Variants in METTL5 observed in about 807,000 individuals in gnomAD.
METTL5 encodes methyltransferase 5, N6-adenosine.
A neutral mutation model predicts 26.5 loss-of-function variants in METTL5; 28 were observed. The observed-to-expected ratio is 1.06, with a 90% CI of 0.78 to 1.45. The LOEUF is 1.45. METTL5 is among the 40% of genes most tolerant of loss of function. The probability of loss-of-function intolerance (pLI) is 0.00; values close to 1 mark genes in which losing one functional copy is unlikely to be tolerated. For missense variants in METTL5, 231 were observed against 249.9 expected (o/e 0.92, Z 0.51); for synonymous variants, 86 against 82.6 (o/e 1.04, Z -0.22).
rs2081626210 is a variant in METTL5 at position 169,824,482 on chromosome 2, G to GC, written c.109+6dup. ...AAAGCCGGGGCGTGGTGAACCAGCCGCCCTACCTGCAATGTGCGGCCTGGT... is the reference window on the plus strand; with the variant it reads ...AAAGCCGGGGCGTGGTGAACCAGCCGCCCCTACCTGCAATGTGCGGCCTGGT... On this transcript the variant is annotated splice_region_variant and intron_variant, in intron 1 of 6. Transcript: ENST00000260953. The GC allele has an allele frequency of 6.2e-7, 1 of 1,608,788 alleles. No homozygotes were observed. Among genetic ancestry groups the GC allele is most frequent in the Non-Finnish European group, 8.5e-7 (1 of 1,175,276 alleles).
chr2:169,822,125 T>G (rs2081594226), intron 1 of METTL5, 68 bp from the exon 2 acceptor site: 7 of 1,535,804 alleles, frequency 4.6e-6, no homozygotes, highest in Non-Finnish European at 6.1e-6. Context: ...TGCAAATGAC[T>G]CTTTCTAAAA....
intron 5 of METTL5, among the ~76,000 whole-genome samples, chr2:169,813,900 G>A (rs188562731): frequency 6.6e-6 from 1 of 151,910 alleles, no homozygotes; most frequent in East Asian, 1.9e-4. Flanking sequence ...GAAAATAACA[G>A]GAAGACGAAC....
At chr2:169,813,503 C>G (rs1690048278) in intron 5 of METTL5, among the ~76,000 whole-genome samples, 1 of 151,878 alleles carries the variant, frequency 6.6e-6, no homozygotes. Context: ...TTTGGAGGAA[C>G]AAGCCTCTGG....
chr2:169,812,585 A>T, intron 5 of METTL5, 79 bp from the exon 6 acceptor site: 1 of 1,466,724 alleles, frequency 6.8e-7, no homozygotes, highest in Non-Finnish European at 9.3e-7. Context: ...AACAACAACA[A>T]AAACTAAGAA....
chr2:169,812,536 A>T lies in METTL5; in HGVS notation c.542-30T>A, dbSNP rs748638178. ...AAAACAAAAGCCACCTAAGGATAAAATTGTATTTCCAAGCGTTTACCACCC... is the reference window on the plus strand; with the variant it reads ...AAAACAAAAGCCACCTAAGGATAAATTTGTATTTCCAAGCGTTTACCACCC... On this transcript the variant is annotated intron_variant, in intron 5 of 6. Coordinates refer to ENST00000260953, the MANE Select transcript of METTL5 (RefSeq NM_014168.4). The T allele has an allele frequency of 1.9e-6, 3 of 1,609,470 alleles. No homozygotes were observed. The Admixed American group carries it at 5.1e-5, about 27-fold the overall frequency.
In METTL5 at chr2:169,822,036, T is replaced by C. The variant is rs772635468; in HGVS notation, c.131A>G (p.His44Arg). 38 of 1,611,822 alleles carry C rather than the reference T, an allele frequency of 2.4e-5. No individual in the cohort carries two copies. In the Admixed American group the frequency reaches 5.5e-4, roughly 23 times the overall value. The change falls in exon 2 of 7, where the codon CAT becomes CGT. Residue 44 changes from histidine to arginine, a missense_variant. Physicochemically the swap from His to Arg is conservative, Grantham distance 29. Coordinates refer to ENST00000260953, the MANE Select transcript of METTL5 (RefSeq NM_014168.4). ...ATTTTCAATGTCATCATAAGTGTTA[T>C]GGATTGTATAGAGCATACATGCTAA... ...HIAACMLYTI[H>R]NTYDDIENKV...
intron 3 of METTL5, 45 bp downstream of exon 3, chr2:169,821,047 A>C: frequency 6.7e-7 from 1 of 1,484,428 alleles, no homozygotes; most frequent in Non-Finnish European, 9.0e-7. Flanking sequence ...TGGTTTTAAA[A>C]TCTTTTCTAT....
At chr2:169,822,124 C>T in intron 1 of METTL5, 67 bp from the exon 2 acceptor site, 5 of 1,536,472 alleles carry the variant, frequency 3.3e-6, no homozygotes, top group Non-Finnish European at 4.4e-6. Flanking sequence ...GTGCAAATGA[C>T]TCTTTCTAAA....
intron 5 of METTL5, among the ~76,000 whole-genome samples, chr2:169,814,254 G>A (rs539369905): frequency 5.9e-5 from 9 of 151,824 alleles, no homozygotes; most frequent in Admixed American, 2.0e-4. Context: ...TTGGGAGGCC[G>A]AGGCTGGAGG....
Position 169,822,056 on chromosome 2 carries a change from T to C in METTL5, c.111A>G (p.Ala37=), listed in dbSNP as rs1410294715. Residue 37 remains alanine, a splice_region_variant and synonymous_variant, in exon 2 of 7, where the codon GCA becomes GCG. Coordinates refer to ENST00000260953, the MANE Select transcript of METTL5 (RefSeq NM_014168.4). ...TGTTATGGATTGTATAGAGCATACA[T>C]GCTAAAAAATAAAAAAAAAAAGAAT... ...EQYPTRPHIA[A]CMLYTIHNTY... The C allele has an allele frequency of 1.9e-6, 3 of 1,585,360 alleles. No homozygotes were observed. Among genetic ancestry groups the C allele is most frequent in the Non-Finnish European group, 2.6e-6 (3 of 1,173,436 alleles).
Position 169,822,789 on chromosome 2 carries a change from G to A in METTL5, c.110-732C>T, listed in dbSNP as rs116636915. On this transcript the variant is annotated intron_variant, in intron 1 of 6. Coordinates refer to ENST00000260953, the MANE Select transcript of METTL5 (RefSeq NM_014168.4). Reference sequence around the variant, plus strand: ...ACACAAGCACCATAAGCTCCACAATGTAGCCTTTAGACACATATACTCATG... The same window carrying A: ...ACACAAGCACCATAAGCTCCACAATATAGCCTTTAGACACATATACTCATG... 5.9e-3 allele frequency among the ~76,000 whole-genome samples: 901 copies of A among 152,054 alleles called. 4 individuals are homozygous for A. Among genetic ancestry groups the A allele is most frequent in the African/African-American group, 0.021 (855 of 41,464 alleles).
At chr2:169,821,828 T>A (rs2081588897) in intron 2 of METTL5, 115 bp downstream of exon 2, 2 of 836,128 alleles carry the variant, frequency 2.4e-6, no homozygotes, top group Non-Finnish European at 3.7e-6. Context: ...CAGTATCAGA[T>A]TTTTGCTCCC....
intron 3 of METTL5, among the ~76,000 whole-genome samples, chr2:169,820,514 T>G (rs983028469): frequency 2.0e-5 from 3 of 152,262 alleles, no homozygotes; most frequent in Non-Finnish European, 4.4e-5. Context: ...CTTTGTTTAC[T>G]TAATACAAAT....
At chr2:169,818,609 T>C (rs1233395631) in intron 4 of METTL5, among the ~76,000 whole-genome samples, 3 of 152,250 alleles carry the variant, frequency 2.0e-5, no homozygotes, top group East Asian at 3.8e-4. Context: ...TTAGCTGTTA[T>C]ATTTTATGCT....
intron 2 of METTL5, 97 bp downstream of exon 2, chr2:169,821,846 C>T: frequency 9.0e-7 from 1 of 1,107,744 alleles, no homozygotes; most frequent in Middle Eastern, 2.0e-4. Context: ...CCCTATATCT[C>T]ATTCTGTGGA....
intron 3 of METTL5, among the ~76,000 whole-genome samples, chr2:169,819,913 AG>A (rs2081560936): frequency 1.3e-5 from 2 of 152,196 alleles, no homozygotes; most frequent in South Asian, 4.1e-4. Context: ...GGAAATGCAT[AG>A]AGTACTATTC....
In METTL5 at chr2:169,821,270, C is replaced by T. The variant is rs1292252256; in HGVS notation, c.228G>A (p.Leu76=). Reference sequence around the variant, plus strand: ...CTTCATCTATGTCAAATCCAACACACAACCTATAAATACAAAACACATACA... The same window carrying T: ...CTTCATCTATGTCAAATCCAACACATAACCTATAAATACAAAACACATACA... ...SIGTAMLGAG[L]CVGFDIDEDA... The change falls in exon 3 of 7, where the codon TTG becomes TTA. Residue 76 remains leucine, a synonymous_variant. Coordinates refer to ENST00000260953, the MANE Select transcript of METTL5 (RefSeq NM_014168.4). The T allele has an allele frequency of 1.9e-6, 3 of 1,601,204 alleles. No homozygotes were observed. In the African/African-American group the frequency reaches 4.0e-5, roughly 22 times the overall value.
chr2:169,820,110 A>G (rs2081564558), intron 3 of METTL5, among the ~76,000 whole-genome samples: 1 of 152,070 alleles, frequency 6.6e-6, no homozygotes, highest in South Asian at 2.1e-4. Context: ...GGCATGTGCC[A>G]CCATGCCTGG....
intron 1 of METTL5, among the ~76,000 whole-genome samples, chr2:169,823,489 C>A (rs73016489): frequency 0.04 from 6,081 of 152,188 alleles, 131 homozygotes; most frequent in Middle Eastern, 0.065. Flanking sequence ...TATTTTGGAA[C>A]TGGAAAAAAC....
Sources: allele counts gnomAD v4.1 joint callset (sites outside exome capture counted in the v4.1 genomes callset), GRCh38; gene constraint gnomAD v4.1.1; transcripts MANE v1.5; gene names NCBI Gene and HGNC (gene_info 2026-07-23, HGNC 2026-07-21).